The following ADAM12 variants were observed in gnomAD, a reference collection of about 807,000 sequenced individuals.
ADAM12 encodes ADAM metallopeptidase domain 12.
A neutral mutation model predicts 106.4 loss-of-function variants in ADAM12; 70 were observed. The ratio of observed to expected loss-of-function variants is 0.66; its 90% CI spans 0.54 to 0.80. The LOEUF (loss-of-function observed/expected upper bound fraction) is 0.80, where lower values mean the gene tolerates loss of function less well. Among genes scored for constraint, ADAM12 ranks in the 30% least tolerant of loss-of-function variants. ADAM12 has a pLI of 0.00. For missense variants in ADAM12, 1,010 were observed against 1,171.9 expected, an observed-to-expected ratio of 0.86 and a Z score of 2.02; for synonymous variants, 420 against 433.5, an observed-to-expected ratio of 0.97 and a Z score of 0.39.
intron 3 of ADAM12, among the ~76,000 whole-genome samples, chr10:126,238,861 T>C (rs1027285562): frequency 2.0e-5 from 3 of 152,242 alleles, no homozygotes; most frequent in Admixed American, 6.5e-5. Flanking sequence ...TGAGATTTCA[T>C]GGGCACTCAT....
chr10:126,151,910 C>T (rs1317683092), intron 4 of ADAM12, among the ~76,000 whole-genome samples: 1 of 151,410 alleles, frequency 6.6e-6, no homozygotes, highest in East Asian at 1.9e-4. Flanking sequence ...ATATTATTTA[C>T]TTGGGAATTC....
intron 6 of ADAM12, among the ~76,000 whole-genome samples, chr10:126,111,620 G>A (rs965774531): frequency 6.6e-6 from 1 of 152,154 alleles, no homozygotes; most frequent in Non-Finnish European, 1.5e-5. Flanking sequence ...ACGACCATGG[G>A]ATATTTCCAA....
At chr10:126,135,376 G>A in intron 5 of ADAM12, 1 of 559,660 alleles carries the variant, frequency 1.8e-6, no homozygotes, top group South Asian at 2.5e-5. Flanking sequence ...TGTAAGAGGG[G>A]GCATGAACAT....
At chr10:126,050,007 G>T (rs1161443068) in intron 14 of ADAM12, among the ~76,000 whole-genome samples, 1 of 36,556 alleles carries the variant, frequency 2.7e-5, no homozygotes, top group Non-Finnish European at 4.9e-5. Flanking sequence ...TGGCTGGCTG[G>T]CTGGCTGGCT....
intron 1 of ADAM12, among the ~76,000 whole-genome samples, chr10:126,372,596 G>A (rs974713235): frequency 2.0e-5 from 3 of 152,300 alleles, no homozygotes; most frequent in Middle Eastern, 6.8e-3. Flanking sequence ...CCATAAGGAA[G>A]TAACATCAGG....
chr10:126,297,931 A>C (rs1216331943), intron 2 of ADAM12, among the ~76,000 whole-genome samples: 1 of 152,164 alleles, frequency 6.6e-6, no homozygotes, highest in Non-Finnish European at 1.5e-5. Context: ...GACAAAATCC[A>C]GAAATGAGGG....
intron 3 of ADAM12, among the ~76,000 whole-genome samples, chr10:126,206,814 T>C (rs1957803262): frequency 7.2e-6 from 1 of 137,994 alleles, no homozygotes; most frequent in African/African-American, 2.6e-5. Flanking sequence ...CCCACCCAAA[T>C]GTCATCTTGA....
intron 3 of ADAM12, among the ~76,000 whole-genome samples, chr10:126,192,916 C>T (rs1448273182): frequency 2.6e-5 from 4 of 152,192 alleles, no homozygotes; most frequent in Admixed American, 1.3e-4. Flanking sequence ...GGGAGAGAGT[C>T]GCCAGCCTTT....
At chr10:126,108,489 C>T (rs892175756) in intron 8 of ADAM12, 104 bp downstream of exon 8, 1 of 1,052,230 alleles carries the variant, frequency 9.5e-7, no homozygotes, top group African/African-American at 1.6e-5. Flanking sequence ...AACCAAGGCC[C>T]AGAGGCAGAA....
intron 3 of ADAM12, among the ~76,000 whole-genome samples, chr10:126,205,015 G>A (rs1293144157): frequency 2.0e-5 from 3 of 152,142 alleles, no homozygotes; most frequent in Non-Finnish European, 4.4e-5. Flanking sequence ...CGGAAGCCAG[G>A]CCATTTGGAC....
chr10:126,082,363 G>GTTTTTTTTTTTTTT lies in ADAM12; in HGVS notation c.1146-10723_1146-10710dup, dbSNP rs5788763. Reference sequence around the variant, plus strand: ...CTCTGGAGAAGACAATCTAATGACTGTTTTTTTTTTTTTTTTTTTTTTTTA... The same window carrying GTTTTTTTTTTTTTT: ...CTCTGGAGAAGACAATCTAATGACTGTTTTTTTTTTTTTTTTTTTTTTTTTTTTTTTTTTTTTTA... On this transcript the variant is annotated intron_variant, in intron 11 of 22. Transcript: ENST00000448723. 9.9e-5 allele frequency among the ~76,000 whole-genome samples: 8 copies of GTTTTTTTTTTTTTT among 80,780 alleles called. 1 individual carries two copies. Among genetic ancestry groups the GTTTTTTTTTTTTTT allele is most frequent in the Admixed American group, 5.5e-4 (3 of 5,488 alleles). 53.0% of individuals were successfully genotyped at this position (80,780 alleles called of 152,430 possible).
At chr10:126,232,039 C>T (rs1156525156) in intron 3 of ADAM12, among the ~76,000 whole-genome samples, 2 of 152,182 alleles carry the variant, frequency 1.3e-5, no homozygotes, top group African/African-American at 4.8e-5. Context: ...GTGTCCCTCA[C>T]CCCATTGTTT....
chr10:126,030,215 GT>G (rs1273616100), intron 21 of ADAM12, among the ~76,000 whole-genome samples: 1 of 152,230 alleles, frequency 6.6e-6, no homozygotes, highest in Non-Finnish European at 1.5e-5. Context: ...AAACAAGGAT[GT>G]AAGATGAGTG....
At chr10:126,290,778 G>C (rs934373944) in intron 2 of ADAM12, among the ~76,000 whole-genome samples, 2 of 152,186 alleles carry the variant, frequency 1.3e-5, no homozygotes, top group African/African-American at 4.8e-5. Flanking sequence ...CCAGTCCTGG[G>C]TTGATAGCTG....
At chr10:126,248,559 C>T (rs1958674930) in intron 3 of ADAM12, among the ~76,000 whole-genome samples, 1 of 152,146 alleles carries the variant, frequency 6.6e-6, no homozygotes, top group Non-Finnish European at 1.5e-5. Context: ...TGCCATGTGA[C>T]AGGTTCATCA....
intron 10 of ADAM12, 106 bp from the exon 11 acceptor site, chr10:126,094,239 A>T: frequency 8.8e-7 from 1 of 1,140,384 alleles, no homozygotes; most frequent in Non-Finnish European, 1.2e-6. Context: ...ATTTGACTTA[A>T]TGTAATTCCT....
Position 126,049,288 on chromosome 10 carries a change from G to A in ADAM12, c.1882C>T (p.Leu628Phe). Residue 628 changes from leucine to phenylalanine, a missense_variant, in exon 16 of 23, where the codon CTT becomes TTT. Leu to Phe is a conservative substitution (Grantham distance 22, BLOSUM62 0). This residue lies in a region of ADAM12 where 615 missense variants were observed against 708.5 expected (regional missense o/e 0.87). Coordinates refer to ENST00000448723, the MANE Select transcript of ADAM12 (RefSeq NM_001288973.2). The surrounding 1 kb of genome is among the most constrained non-coding windows in gnomAD (Gnocchi z 4.4). ...GCACACTTTGTGCCTGCAAGCACAA[G>A]CCCTGGGTCCGGCATGTCATCGCCC... ...YLGDDMPDPG[L>F]VLAGTKCADG... 6.2e-7 allele frequency: 1 copy of A among 1,614,208 alleles called. No homozygotes were observed.
chr10:126,204,190 C>T (rs1957754508), intron 3 of ADAM12, among the ~76,000 whole-genome samples: 1 of 152,168 alleles, frequency 6.6e-6, no homozygotes, highest in Non-Finnish European at 1.5e-5. Flanking sequence ...GCAGCCAGCT[C>T]CAGTCAGTGG....
chr10:126,254,219 T>C (rs1345041824), intron 3 of ADAM12, among the ~76,000 whole-genome samples: 2 of 152,230 alleles, frequency 1.3e-5, no homozygotes, highest in African/African-American at 4.8e-5. Context: ...CAGCCAGCTC[T>C]GGCACCTATC....
Sources: allele counts gnomAD v4.1 joint callset (sites outside exome capture counted in the v4.1 genomes callset), GRCh38; gene constraint gnomAD v4.1.1; regional missense constraint gnomAD v4.1.1; non-coding constraint Gnocchi (gnomAD v3.1); transcripts MANE v1.5; gene names NCBI Gene and HGNC (gene_info 2026-07-23, HGNC 2026-07-21).